Variants in PHACTR1 observed in about 807,000 individuals in gnomAD.
The protein encoded by PHACTR1 is RPEL repeat containing 1.
In PHACTR1, 16 loss-of-function variants were observed where a neutral mutation model predicts 69.2. The ratio of observed to expected loss-of-function variants is 0.23; its 90% CI spans 0.16 to 0.35. The LOEUF is 0.35. Ranked by LOEUF, PHACTR1 falls within the 10% of genes least tolerant of loss-of-function variation. PHACTR1 has a pLI of 1.00. For synonymous variants in PHACTR1, 312 were observed against 284.5 expected (o/e 1.10, Z -0.97); for missense variants, 510 against 734.7 (o/e 0.69, Z 3.54).
intron 8 of PHACTR1, among the ~76,000 whole-genome samples, chr6:13,218,656 C>CA (rs529661297): frequency 2.6e-3 from 399 of 151,354 alleles, no homozygotes; most frequent in African/African-American, 8.6e-3. Flanking sequence ...CCCATCTCTA[C>CA]AAAAAAAATC....
At chr6:12,898,209 C>T (rs1784864979) in intron 4 of PHACTR1, among the ~76,000 whole-genome samples, 1 of 152,060 alleles carries the variant, frequency 6.6e-6, no homozygotes, top group South Asian at 2.1e-4. Flanking sequence ...TTTTGTTCTC[C>T]TAAACCTTAT....
At chr6:12,883,214 TTTTG>T (rs900739975) in intron 4 of PHACTR1, among the ~76,000 whole-genome samples, 1 of 152,114 alleles carries the variant, frequency 6.6e-6, no homozygotes, top group African/African-American at 2.4e-5. Context: ...GTCAGGCTTT[TTTTG>T]TTTGTTTGTT....
chr6:12,968,742 G>A (rs1209845315), intron 4 of PHACTR1, among the ~76,000 whole-genome samples: 1 of 152,174 alleles, frequency 6.6e-6, no homozygotes, highest in Non-Finnish European at 1.5e-5. Context: ...GATGAGAATT[G>A]TATAATTGAC....
chr6:13,210,374 G>A (rs745385379), intron 8 of PHACTR1, among the ~76,000 whole-genome samples: 8 of 152,128 alleles, frequency 5.3e-5, no homozygotes, highest in African/African-American at 9.7e-5. Context: ...AAACAATGGC[G>A]TGGTTATTTA....
At chr6:12,804,441 A>C (rs1774064841) in intron 4 of PHACTR1, among the ~76,000 whole-genome samples, 2 of 152,326 alleles carry the variant, frequency 1.3e-5, no homozygotes, top group Admixed American at 6.5e-5. Flanking sequence ...TAACCACCTG[A>C]AAAGGTACAA....
chr6:12,928,644 C>G, intron 4 of PHACTR1, among the ~76,000 whole-genome samples: 1 of 132,414 alleles, frequency 7.6e-6, no homozygotes, highest in East Asian at 2.5e-4. Context: ...TCCATCCGTT[C>G]ATGTGGTGAG....
intron 3 of PHACTR1, among the ~76,000 whole-genome samples, chr6:12,721,819 A>G (rs1762168410): frequency 2.6e-5 from 4 of 152,296 alleles, no homozygotes; most frequent in Middle Eastern, 6.8e-3. Context: ...TAGGCCTAAT[A>G]AAGGAACAGT....
chr6:13,093,166 A>G (rs1371122707), intron 5 of PHACTR1, among the ~76,000 whole-genome samples: 1 of 152,218 alleles, frequency 6.6e-6, no homozygotes, highest in Non-Finnish European at 1.5e-5. Context: ...CAGGTATTAC[A>G]ATATTTGAAA....
intron 6 of PHACTR1, among the ~76,000 whole-genome samples, chr6:13,160,955 C>T (rs570316661): frequency 1.1e-4 from 17 of 152,244 alleles, no homozygotes; most frequent in African/African-American, 3.4e-4. Flanking sequence ...CTCCTCTTTT[C>T]TAAGAGCTTT....
At chr6:12,798,039 G>GACACACACACACACACAC (rs10529531) in intron 4 of PHACTR1, among the ~76,000 whole-genome samples, 16,995 of 137,600 alleles carry the variant, frequency 0.12, 2,082 homozygotes, top group African/African-American at 0.31. Context: ...TCATTTCCTA[G>GACACACACACACACACAC]ACACACACAC....
intron 10 of PHACTR1, among the ~76,000 whole-genome samples, chr6:13,247,549 T>C (rs1773753827): frequency 1.3e-5 from 2 of 152,138 alleles, no homozygotes; most frequent in African/African-American, 4.8e-5. Context: ...TTTTACCACA[T>C]TGGCCAGGCT....
At chr6:13,163,469 G>C (rs116309170) in intron 6 of PHACTR1, among the ~76,000 whole-genome samples, 5,109 of 152,234 alleles carry the variant, frequency 0.034, 179 homozygotes, top group African/African-American at 0.087. Flanking sequence ...GATTCCCCAA[G>C]CCCCAAATCA....
rs146025599 is a variant in PHACTR1, at chr6:13,097,116, A to G, written c.415+43587A>G. ...GTCAGGTTTACACTCTTGTTCCAGGACAAAGTTAACTCCTTGTAACCCACA... is the reference window on the plus strand; with the variant it reads ...GTCAGGTTTACACTCTTGTTCCAGGGCAAAGTTAACTCCTTGTAACCCACA... On this transcript the variant is annotated intron_variant, in intron 5 of 14. Transcript: ENST00000332995. 1.7e-3 allele frequency among the ~76,000 whole-genome samples: 254 copies of G among 152,344 alleles called. 1 individual carries two copies. Among genetic ancestry groups the G allele is most frequent in the African/African-American group, 5.7e-3 (239 of 41,574 alleles).
chr6:12,755,720 G>C (rs1767233264), intron 4 of PHACTR1, among the ~76,000 whole-genome samples: 1 of 152,186 alleles, frequency 6.6e-6, no homozygotes, highest in African/African-American at 2.4e-5. Context: ...TAAATGGAGA[G>C]TGAGGAAACT....
intron 5 of PHACTR1, among the ~76,000 whole-genome samples, chr6:13,143,780 C>A (rs1279969827): frequency 6.6e-6 from 1 of 151,854 alleles, no homozygotes; most frequent in African/African-American, 2.4e-5. Flanking sequence ...AGGCCAATAT[C>A]TCTCATTATA....
At chr6:13,030,068 G>T (rs1235865443) in intron 4 of PHACTR1, among the ~76,000 whole-genome samples, 1 of 152,228 alleles carries the variant, frequency 6.6e-6, no homozygotes, top group Non-Finnish European at 1.5e-5. Context: ...GCTTGGCACT[G>T]ACCCTAGCAT....
chr6:12,936,414 A>G (rs1459796045), intron 4 of PHACTR1, among the ~76,000 whole-genome samples: 1 of 152,260 alleles, frequency 6.6e-6, no homozygotes, highest in Non-Finnish European at 1.5e-5. Flanking sequence ...GATAATTAAA[A>G]CATAAAAGAT....
At chr6:13,285,080 C>G (rs1376752857) in intron 13 of PHACTR1, among the ~76,000 whole-genome samples, 1 of 152,244 alleles carries the variant, frequency 6.6e-6, no homozygotes, top group Non-Finnish European at 1.5e-5. Context: ...CCTGTCCACA[C>G]TCTCTCTGCG....
intron 4 of PHACTR1, among the ~76,000 whole-genome samples, chr6:12,776,902 C>T (rs1770128173): frequency 6.6e-6 from 1 of 152,120 alleles, no homozygotes; most frequent in East Asian, 1.9e-4. Flanking sequence ...CATGATATAG[C>T]TTGTTACAAA....
Sources: allele counts gnomAD v4.1 joint callset (sites outside exome capture counted in the v4.1 genomes callset), GRCh38; gene constraint gnomAD v4.1.1; transcripts MANE v1.5; gene names NCBI Gene and HGNC (gene_info 2026-07-23, HGNC 2026-07-21).